The following SAFB variants were observed in gnomAD, a reference collection of about 807,000 sequenced individuals.
The protein encoded by SAFB is scaffold attachment factor B.
Under a neutral mutation model 101.6 loss-of-function variants are expected in SAFB, and 15 were observed. That is an observed-to-expected ratio of 0.15 (90% CI 0.10 to 0.23). The LOEUF (loss-of-function observed/expected upper bound fraction) is 0.23, where lower values mean the gene tolerates loss of function less well. Among genes scored for constraint, SAFB ranks in the 10% least tolerant of loss-of-function variants. The pLI is 1.00. For missense variants in SAFB, 930 were observed against 1,104.1 expected, an observed-to-expected ratio of 0.84 and a Z score of 2.23; for synonymous variants, 449 against 407.5, an observed-to-expected ratio of 1.10 and a Z score of -1.23.
At chr19:5,631,476 T>G (rs1277034020) in intron 2 of SAFB, among the ~76,000 whole-genome samples, 1 of 152,206 alleles carries the variant, frequency 6.6e-6, no homozygotes, top group Non-Finnish European at 1.5e-5. Context: ...TGAATTATTT[T>G]CAACTACTTT....
chr19:5,632,461 G>T (rs138973193), intron 2 of SAFB, among the ~76,000 whole-genome samples: 1 of 152,132 alleles, frequency 6.6e-6, no homozygotes, highest in Non-Finnish European at 1.5e-5. Flanking sequence ...TCCAGATCAG[G>T]AAATTAACAT....
rs951459367 is a variant in SAFB at position 5,661,799 on chromosome 19, A to G, written c.2144A>G (p.Asp715Gly). Residue 715 changes from aspartate to glycine, a missense_variant, in exon 15 of 21, where the codon GAC becomes GGC. Physicochemically the swap from Asp to Gly is moderately conservative, Grantham distance 94. This residue lies in a region of SAFB where 318 missense variants were observed against 342.6 expected (regional missense o/e 0.93). Coordinates refer to ENST00000588852, the MANE Select transcript of SAFB (RefSeq NM_001201338.2). ...ERRPAVRRPY[D>G]LDRRDDAYWP... is the part of the protein sequence containing the mutation. The stretch of plus-strand genomic sequence containing the variant: ...CGGCCCGCGGTGCGGCGGCCCTACG[A>G]CCTGGACCGGTAAGCAGATCCATGC... 1 of 1,545,344 alleles carries G rather than the reference A, an allele frequency of 6.5e-7. No individual in the cohort carries two copies. Among genetic ancestry groups the G allele is most frequent in the Non-Finnish European group, 8.7e-7 (1 of 1,146,612 alleles).
At chr19:5,644,198 G>C (rs766847785) in intron 4 of SAFB, among the ~76,000 whole-genome samples, 25 of 152,092 alleles carry the variant, frequency 1.6e-4, no homozygotes, top group Non-Finnish European at 3.2e-4. Context: ...GTGTCAGAGA[G>C]GAGTCCTGAC....
chr19:5,628,500 CACTA>C (rs1441651709), intron 2 of SAFB, among the ~76,000 whole-genome samples: 23 of 152,136 alleles, frequency 1.5e-4, no homozygotes, highest in Admixed American at 2.6e-4. Flanking sequence ...ACAAAACTTT[CACTA>C]ATTCCACACA....
At chr19:5,660,611 T>A (rs2054175696) in intron 14 of SAFB, among the ~76,000 whole-genome samples, 1 of 149,744 alleles carries the variant, frequency 6.7e-6, no homozygotes. Context: ...GGCACAGTGG[T>A]TCATGCCTAT....
At chr19:5,626,523 A>G in intron 2 of SAFB, 34 bp downstream of exon 2, 1 of 1,281,846 alleles carries the variant, frequency 7.8e-7, no homozygotes, top group Non-Finnish European at 1.1e-6. Context: ...TTTCATGTTA[A>G]GTGCTTTCTT....
At chr19:5,646,103 A>C (rs1228332324) in intron 5 of SAFB, among the ~76,000 whole-genome samples, 9 of 152,172 alleles carry the variant, frequency 5.9e-5, no homozygotes, top group Admixed American at 3.3e-4. Context: ...TTACCTAGGT[A>C]GCTGGCTAAT....
intron 14 of SAFB, among the ~76,000 whole-genome samples, chr19:5,659,141 CAAA>C (rs772619826): frequency 3.1e-5 from 4 of 130,324 alleles, no homozygotes; most frequent in East Asian, 2.3e-4. Context: ...GACTCCGTCT[CAAA>C]AAAAAAAAAA....
chr19:5,632,787 G>C (rs910807357), intron 2 of SAFB, among the ~76,000 whole-genome samples: 1 of 152,294 alleles, frequency 6.6e-6, no homozygotes, highest in Admixed American at 6.5e-5. Flanking sequence ...ACCCAGGCCA[G>C]AGTGCAATGG....
At chr19:5,660,342 C>CTTTTTT (rs11360129) in intron 14 of SAFB, among the ~76,000 whole-genome samples, 1 of 50,904 alleles carries the variant, frequency 2.0e-5, no homozygotes, top group Non-Finnish European at 3.5e-5. Flanking sequence ...CTGCACACAC[C>CTTTTTT]TTTTTTTTTT....
At chr19:5,629,877 A>G (rs753321266) in intron 2 of SAFB, among the ~76,000 whole-genome samples, 1 of 151,706 alleles carries the variant, frequency 6.6e-6, no homozygotes, top group East Asian at 2.1e-4. Context: ...CCCCACGTCT[A>G]CTAAAAATAC....
Position 5,664,116 on chromosome 19 carries a change from G to A in SAFB, c.2248G>A (p.Asp750Asn). The A allele has an allele frequency of 6.8e-6, 11 of 1,613,998 alleles. No homozygotes were observed. The highest frequency in any genetic ancestry group is 9.3e-6 in the Non-Finnish European group (11 of 1,180,040). The change falls in exon 16 of 21, where the codon GAC becomes AAC. Residue 750 changes from aspartate to asparagine, a missense_variant. By Grantham distance (23) the Asp-to-Asn change is conservative. Transcript: ENST00000588852. ...CCGCCAGGACCGCTTCCACGACTTT[G>A]ACCACAGGGACCGCGGCCGCTACCC... ...FNRQDRFHDF[D>N]HRDRGRYPDH...
intron 2 of SAFB, among the ~76,000 whole-genome samples, chr19:5,629,644 G>C (rs2053446420): frequency 6.6e-6 from 1 of 152,142 alleles, no homozygotes; most frequent in Non-Finnish European, 1.5e-5. Flanking sequence ...TTCAGTGTTT[G>C]CACGAACCAG....
intron 9 of SAFB, 97 bp from the exon 10 acceptor site, chr19:5,653,018 A>T: frequency 2.4e-6 from 3 of 1,230,030 alleles, no homozygotes; most frequent in Non-Finnish European, 3.5e-6. Flanking sequence ...CACTTGTCGG[A>T]CCCCTGATGA....
chr19:5,645,085 C>A (rs374073446), intron 4 of SAFB, among the ~76,000 whole-genome samples: 2 of 152,284 alleles, frequency 1.3e-5, no homozygotes, highest in East Asian at 1.9e-4. Flanking sequence ...TTTTTTCTTT[C>A]TTTTGCATCT....
intron 9 of SAFB, 35 bp from the exon 10 acceptor site, chr19:5,653,080 C>T (rs771072613): frequency 6.2e-7 from 1 of 1,611,640 alleles, no homozygotes; most frequent in East Asian, 2.2e-5. Flanking sequence ...CAGTGGGCTT[C>T]ATGTCTGAGT....
At chr19:5,623,619 A>T (rs1210603403) in intron 1 of SAFB, among the ~76,000 whole-genome samples, 1 of 152,086 alleles carries the variant, frequency 6.6e-6, no homozygotes, top group Non-Finnish European at 1.5e-5. Flanking sequence ...AACCACAAAA[A>T]CGGCACGCGT....
At chr19:5,641,509 G>A in intron 2 of SAFB, 85 bp from the exon 3 acceptor site, 1 of 1,094,828 alleles carries the variant, frequency 9.1e-7, no homozygotes, top group Non-Finnish European at 1.4e-6. Flanking sequence ...TTTATAAAGT[G>A]ACCACTTGTG....
chr19:5,656,701 AAAGT>A (rs1041946767), intron 13 of SAFB, among the ~76,000 whole-genome samples: 1 of 150,714 alleles, frequency 6.6e-6, no homozygotes, highest in Non-Finnish European at 1.5e-5. Flanking sequence ...CTCATCCTCC[AAAGT>A]AACTGAGATT....
Sources: allele counts gnomAD v4.1 joint callset (sites outside exome capture counted in the v4.1 genomes callset), GRCh38; gene constraint gnomAD v4.1.1; regional missense constraint gnomAD v4.1.1; transcripts MANE v1.5; gene names NCBI Gene and HGNC (gene_info 2026-07-23, HGNC 2026-07-21).